Variants in CPLANE1 observed in about 807,000 individuals in gnomAD.
CPLANE1 encodes ciliogenesis and planar polarity effector 1.
In CPLANE1, 263 loss-of-function variants were observed where a neutral mutation model predicts 362.5. That is an observed-to-expected ratio of 0.73 (90% CI 0.66 to 0.80). CPLANE1 has a LOEUF of 0.80. Among genes scored for constraint, CPLANE1 ranks in the 30% least tolerant of loss-of-function variants. CPLANE1 has a pLI of 0.00. For missense variants in CPLANE1, 3,461 were observed against 3,793.4 expected, an observed-to-expected ratio of 0.91 and a Z score of 2.30; for synonymous variants, 1,212 against 1,302.6, an observed-to-expected ratio of 0.93 and a Z score of 1.50.
rs1049094338 is a variant in CPLANE1 at position 37,106,294 on chromosome 5, A to G, written c.*1308T>C. 2.0e-5 allele frequency: 3 copies of G among 152,578 alleles called. No individual in the cohort carries two copies. Among genetic ancestry groups the G allele is most frequent in the African/African-American group, 7.2e-5 (3 of 41,484 alleles). The allele number at this position is 152,578 out of a possible 1,614,324, so 9.5% of individuals were successfully genotyped here. ...ACAACAGCTAAGATATAGAATTGAT[A>G]TAAGTATCCAACAATGGATAAATAG... On this transcript the variant is annotated 3_prime_UTR_variant, in exon 53 of 53. Transcript: ENST00000651892.
intron 31 of CPLANE1, among the ~76,000 whole-genome samples, chr5:37,174,203 C>CA: frequency 6.6e-6 from 1 of 152,288 alleles, no homozygotes; most frequent in Middle Eastern, 3.4e-3. Flanking sequence ...TAGGGTGTTG[C>CA]AAACCCAAGA....
the CPLANE1 span, among the ~76,000 whole-genome samples, chr5:37,088,028 T>C: frequency 1.3e-5 from 2 of 152,192 alleles, no homozygotes; most frequent in Non-Finnish European, 2.9e-5. Context: ...GGGGTCCTCA[T>C]GCCAATGTAC....
intron 29 of CPLANE1, among the ~76,000 whole-genome samples, chr5:37,178,577 C>T (rs937531377): frequency 6.0e-5 from 9 of 149,756 alleles, no homozygotes; most frequent in Non-Finnish European, 8.9e-5. Context: ...CGTGCCACTG[C>T]ACTCCAGCTT....
chr5:37,101,297 T>C (rs989533813), downstream of CPLANE1, among the ~76,000 whole-genome samples: 15 of 152,356 alleles, frequency 9.8e-5, no homozygotes, highest in Non-Finnish European at 5.9e-5. Flanking sequence ...ACCTAGTTTA[T>C]TGAGAGTTTT....
intron 39 of CPLANE1, 114 bp downstream of exon 39, chr5:37,158,110 C>A: frequency 8.3e-7 from 1 of 1,204,954 alleles, no homozygotes; most frequent in South Asian, 1.5e-5. Flanking sequence ...TACTACAAAG[C>A]TACATAGATG....
chr5:37,113,581 G>A (rs1248733279), intron 51 of CPLANE1, among the ~76,000 whole-genome samples: 1 of 152,152 alleles, frequency 6.6e-6, no homozygotes, highest in Non-Finnish European at 1.5e-5. Context: ...ATGGGGGAAA[G>A]AGTAGAAAAA....
At chr5:37,244,286 G>A in intron 5 of CPLANE1, 89 bp downstream of exon 5, 1 of 720,360 alleles carries the variant, frequency 1.4e-6, no homozygotes, top group Non-Finnish European at 2.0e-6. Context: ...CAATTACTAT[G>A]AAAATTTATG....
chr5:37,164,236 TA>T, intron 37 of CPLANE1, 36 bp downstream of exon 37: 1 of 1,509,318 alleles, frequency 6.6e-7, no homozygotes, highest in Non-Finnish European at 9.2e-7. Context: ...ATTTTAACTC[TA>T]AACTTAGACA....
At chr5:37,213,526 A>C in intron 16 of CPLANE1, 33 bp downstream of exon 16, 1 of 1,455,960 alleles carries the variant, frequency 6.9e-7, no homozygotes, top group African/African-American at 1.4e-5. Context: ...GCAATGCAAA[A>C]AAAGTTTAAA....
intron 46 of CPLANE1, among the ~76,000 whole-genome samples, chr5:37,134,631 G>C (rs75277534): frequency 6.6e-6 from 1 of 151,800 alleles, no homozygotes; most frequent in Non-Finnish European, 1.5e-5. Context: ...TTTGGTTCTC[G>C]ATTTTGTTCA....
At chr5:37,119,664 TC>T (rs1414979349) in intron 50 of CPLANE1, among the ~76,000 whole-genome samples, 1 of 143,644 alleles carries the variant, frequency 7.0e-6, no homozygotes, top group African/African-American at 2.6e-5. Context: ...AGAGTGAAAC[TC>T]CGTCTCAAAA....
intron 36 of CPLANE1, among the ~76,000 whole-genome samples, chr5:37,164,543 C>T (rs1045678427): frequency 6.6e-6 from 1 of 152,100 alleles, no homozygotes; most frequent in Non-Finnish European, 1.5e-5. Context: ...AAGAGCATTA[C>T]CAATTTAATG....
chr5:37,104,135 T>C (rs1757428279), downstream of CPLANE1, among the ~76,000 whole-genome samples: 1 of 152,236 alleles, frequency 6.6e-6, no homozygotes, highest in Non-Finnish European at 1.5e-5. Context: ...CTGAGATTCT[T>C]TTCTCCACTT....
At chr5:37,141,828 C>T (rs1442065324) in intron 44 of CPLANE1, 1 of 959,056 alleles carries the variant, frequency 1.0e-6, no homozygotes, top group African/African-American at 1.8e-5. Flanking sequence ...GGCACTAAAT[C>T]CTTCTAAATC....
intron 8 of CPLANE1, among the ~76,000 whole-genome samples, chr5:37,232,495 C>T (rs920428942): frequency 7.1e-6 from 1 of 141,384 alleles, no homozygotes; most frequent in Admixed American, 7.5e-5. Context: ...CCCACCTGGA[C>T]GACAGAGCAA....
chr5:37,225,461 G>A (rs1199426601), intron 12 of CPLANE1, among the ~76,000 whole-genome samples: 1 of 152,078 alleles, frequency 6.6e-6, no homozygotes, highest in Non-Finnish European at 1.5e-5. Flanking sequence ...GCTAGTCCTG[G>A]GGTCAAGTGA....
In CPLANE1 at chr5:37,106,517, C is replaced by G. The variant is rs1373595779; in HGVS notation, c.*1085G>C. 5.1e-6 allele frequency: 2 copies of G among 395,330 alleles called. No homozygotes were observed. The highest frequency in any genetic ancestry group is 4.3e-5 in the African/African-American group (2 of 46,330). The allele number at this position is 395,330 out of a possible 1,614,324, so 24.5% of individuals were successfully genotyped here. On this transcript the variant is annotated 3_prime_UTR_variant, in exon 53 of 53. Transcript: ENST00000651892. ...ATACAAAAAAGAAACTAACAGAAAA[C>G]AATTTAAAATATTTTAAATGACAAA...
intron 20 of CPLANE1, 53 bp downstream of exon 20, chr5:37,198,649 A>C: frequency 6.7e-7 from 1 of 1,493,658 alleles, no homozygotes; most frequent in Non-Finnish European, 9.2e-7. Context: ...AATAATATAA[A>C]TATGAGTAAT....
In CPLANE1 at chr5:37,169,105, C is replaced by T. The variant is rs1467364085; in HGVS notation, c.6919G>A (p.Val2307Ile). 2 of 1,614,090 alleles carry T rather than the reference C, an allele frequency of 1.2e-6. No individual in the cohort carries two copies. Among genetic ancestry groups the T allele is most frequent in the Non-Finnish European group, 1.7e-6 (2 of 1,180,040 alleles). ...ACATGATTAGGAATTTCTGTAATTA[C>T]AGTTTCTGCCCACGTCTTCTGCTCA... ...EVEQKTWAET[V>I]ITEIPNHVNL... The change falls in exon 34 of 53, where the codon GTA (valine) becomes ATA (isoleucine). Residue 2307 changes from valine to isoleucine, a missense_variant. Val to Ile is a conservative substitution (Grantham distance 29). Coordinates refer to ENST00000651892, the MANE Select transcript of CPLANE1 (RefSeq NM_001384732.1).
Sources: gnomAD v4.1 joint callset for allele counts (sites outside exome capture counted in the v4.1 genomes callset) on GRCh38, gnomAD v4.1.1 for gene constraint, MANE v1.5 for transcripts, NCBI Gene and HGNC (gene_info 2026-07-23, HGNC 2026-07-21) for gene names.